The following DPF3 variants were observed in gnomAD, a reference collection of about 807,000 sequenced individuals.
DPF3 encodes zinc finger protein DPF3.
DPF3 carries 18 observed loss-of-function variants against 56.8 expected under a neutral mutation model. That is an observed-to-expected ratio of 0.32 (90% CI 0.22 to 0.47). The LOEUF (loss-of-function observed/expected upper bound fraction) is 0.47, where lower values mean the gene tolerates loss of function less well. DPF3 is among the 20% of genes least tolerant of loss of function. The pLI is 1.00. For missense variants in DPF3, 403 were observed against 488.8 expected (o/e 0.82, Z 1.65); for synonymous variants, 188 against 180.2 (o/e 1.04, Z -0.35).
intron 1 of DPF3, among the ~76,000 whole-genome samples, chr14:72,849,103 A>T (rs1173135932): frequency 6.6e-6 from 1 of 152,202 alleles, no homozygotes; most frequent in Non-Finnish European, 1.5e-5. Context: ...GTAAAATTCA[A>T]ACCCAAGTTG....
At chr14:72,788,049 G>T (rs200905485) in intron 1 of DPF3, among the ~76,000 whole-genome samples, 3 of 152,214 alleles carry the variant, frequency 2.0e-5, no homozygotes, top group African/African-American at 7.2e-5. Flanking sequence ...GTGCCTAACT[G>T]CCTGGCCATG....
intron 1 of DPF3, among the ~76,000 whole-genome samples, chr14:72,774,262 TAAAAAAAAAAA>T (rs777564213): frequency 8.2e-5 from 5 of 61,006 alleles, no homozygotes; most frequent in Non-Finnish European, 1.2e-4. Context: ...AGACTCTGTC[TAAAAAAAAAAA>T]AAAAAAAAAA....
chr14:72,876,135 T>G (rs1886104340), intron 1 of DPF3, among the ~76,000 whole-genome samples: 1 of 152,208 alleles, frequency 6.6e-6, no homozygotes, highest in Non-Finnish European at 1.5e-5. Context: ...ACTGCTCAGG[T>G]GGGCTCTGCC....
intron 1 of DPF3, among the ~76,000 whole-genome samples, chr14:72,783,248 T>C (rs1892061792): frequency 6.8e-6 from 1 of 147,282 alleles, no homozygotes. Context: ...AACACCACTA[T>C]CAAAGTTTTT....
chr14:72,731,424 G>A (rs1030824376), intron 4 of DPF3: 2 of 183,084 alleles, frequency 1.1e-5, no homozygotes, highest in African/African-American at 2.4e-5. Flanking sequence ...TCACGTGGCC[G>A]TAGCTGGAGC....
intron 1 of DPF3, among the ~76,000 whole-genome samples, chr14:72,886,718 C>G (rs1018000710): frequency 6.6e-6 from 1 of 151,718 alleles, no homozygotes; most frequent in African/African-American, 2.4e-5. Flanking sequence ...ACCTCCTCCC[C>G]CTTCTCTTTA....
chr14:72,769,478 A>G (rs1207786411), intron 2 of DPF3, among the ~76,000 whole-genome samples: 1 of 152,138 alleles, frequency 6.6e-6, no homozygotes, highest in Non-Finnish European at 1.5e-5. Flanking sequence ...TCAAGAGATC[A>G]AGACAATCCT....
intron 5 of DPF3, among the ~76,000 whole-genome samples, chr14:72,722,790 C>T (rs1268858768): frequency 6.6e-6 from 1 of 152,224 alleles, no homozygotes; most frequent in Non-Finnish European, 1.5e-5. Flanking sequence ...CCCCTTCGGG[C>T]GTGAACTCTA....
At chr14:72,679,431 C>T (rs118109328) in intron 7 of DPF3, 1,606 of 152,854 alleles carry the variant, frequency 0.011, 43 homozygotes, top group East Asian at 0.078. Context: ...CGGCCACGCT[C>T]GGTGCCCACC....
chr14:72,718,883 G>A lies in DPF3; in HGVS notation c.526-4382C>T, dbSNP rs564119485. ...GCCTCCCGGGTTCAAGTGATTCTCC[G>A]CCTCAGCCCCCTGAGTAGCTGGGAT... is the stretch of plus-strand genomic sequence containing the variant. On this transcript the variant is annotated intron_variant, in intron 5 of 10. Transcript: ENST00000556509. Among the ~76,000 whole-genome samples, 82 of 145,876 alleles carry A rather than the reference G, an allele frequency of 5.6e-4. 1 individual carries two copies. Among genetic ancestry groups the A allele is most frequent in the Admixed American group, 4.3e-3 (60 of 14,010 alleles).
chr14:72,673,057 C>T (rs953625844), intron 8 of DPF3, among the ~76,000 whole-genome samples: 1 of 152,184 alleles, frequency 6.6e-6, no homozygotes, highest in Non-Finnish European at 1.5e-5. Context: ...ATGGACCACC[C>T]TTGAGAGTCA....
intron 6 of DPF3, among the ~76,000 whole-genome samples, chr14:72,705,930 TGAGA>T (rs1888385241): frequency 6.6e-6 from 1 of 150,564 alleles, no homozygotes; most frequent in African/African-American, 2.4e-5. Flanking sequence ...GGAAGGAGAA[TGAGA>T]GAGAGAAAAA....
intron 1 of DPF3, among the ~76,000 whole-genome samples, chr14:72,848,156 AT>A (rs895094224): frequency 9.9e-5 from 15 of 151,576 alleles, no homozygotes; most frequent in Non-Finnish European, 1.9e-4. Flanking sequence ...AGCTTTTTTA[AT>A]TTTTTTTATT....
At chr14:72,703,976 T>C (rs1229907013) in intron 6 of DPF3, among the ~76,000 whole-genome samples, 1 of 152,234 alleles carries the variant, frequency 6.6e-6, no homozygotes, top group African/African-American at 2.4e-5. Context: ...AACCAAGCAG[T>C]GAGCTAATTG....
chr14:72,871,153 G>A (rs567104566), intron 1 of DPF3, among the ~76,000 whole-genome samples: 110 of 152,252 alleles, frequency 7.2e-4, no homozygotes, highest in Non-Finnish European at 6.2e-4. Context: ...CCCATGATTC[G>A]ATTACCTCCC....
intron 8 of DPF3, among the ~76,000 whole-genome samples, chr14:72,651,058 G>A (rs1567189701): frequency 6.6e-6 from 1 of 152,200 alleles, no homozygotes; most frequent in Non-Finnish European, 1.5e-5. Flanking sequence ...CCCTTCTTTA[G>A]ACACAGAAGG....
intron 1 of DPF3, among the ~76,000 whole-genome samples, chr14:72,778,260 G>C (rs1164634912): frequency 2.0e-5 from 3 of 152,196 alleles, no homozygotes; most frequent in Non-Finnish European, 2.9e-5. Context: ...CAGGAGGTGA[G>C]CTGTGGGGTA....
chr14:72,721,685 C>T (rs916713604), intron 5 of DPF3, among the ~76,000 whole-genome samples: 3 of 152,040 alleles, frequency 2.0e-5, no homozygotes, highest in Non-Finnish European at 4.4e-5. Context: ...ACGAGAAGAA[C>T]CTATCACCAC....
chr14:72,788,821 C>T (rs1169497483), intron 1 of DPF3, among the ~76,000 whole-genome samples: 2 of 152,188 alleles, frequency 1.3e-5, no homozygotes, highest in African/African-American at 4.8e-5. Context: ...TGAGAGTTAA[C>T]GTCCCAAAGT....
Sources: gnomAD v4.1 joint callset for allele counts (sites outside exome capture counted in the v4.1 genomes callset) on GRCh38, gnomAD v4.1.1 for gene constraint, MANE v1.5 for transcripts, NCBI Gene and HGNC (gene_info 2026-07-23, HGNC 2026-07-21) for gene names.